REEP3: variants seen among roughly 807,000 people sequenced by gnomAD.
REEP3 encodes receptor expression-enhancing protein 3.
Under a neutral mutation model 41.3 loss-of-function variants are expected in REEP3, and 20 were observed. That is an observed-to-expected ratio of 0.48 (90% CI 0.34 to 0.70). The LOEUF is 0.70. Ranked by LOEUF, REEP3 falls within the 30% of genes least tolerant of loss-of-function variation. REEP3 has a pLI of 0.01. For synonymous variants in REEP3, 104 were observed against 101.8 expected (o/e 1.02, Z -0.13); for missense variants, 271 against 308.8 (o/e 0.88, Z 0.92).
At chr10:63,594,936 CTG>C (rs778306182) in intron 3 of REEP3, 82 bp downstream of exon 3, 41 of 880,674 alleles carry the variant, frequency 4.7e-5, no homozygotes, top group Non-Finnish European at 7.4e-5. Flanking sequence ...TTGCTATTAA[CTG>C]AGTGATTTTC....
intron 1 of REEP3, among the ~76,000 whole-genome samples, chr10:63,524,753 A>G (rs909354284): frequency 2.0e-5 from 3 of 152,152 alleles, no homozygotes; most frequent in Admixed American, 2.0e-4. Context: ...CCTGGATACC[A>G]CTGTTTACAG....
At chr10:63,620,133 A>G (rs1956342628) in intron 7 of REEP3, among the ~76,000 whole-genome samples, 1 of 151,732 alleles carries the variant, frequency 6.6e-6, no homozygotes, top group Non-Finnish European at 1.5e-5. Context: ...GGGTTTCACC[A>G]TGTTGCCCAG....
intron 2 of REEP3, among the ~76,000 whole-genome samples, chr10:63,568,872 A>G (rs1445643769): frequency 6.6e-6 from 1 of 151,880 alleles, no homozygotes; most frequent in Non-Finnish European, 1.5e-5. Flanking sequence ...TATGTTGTCC[A>G]GGTTGATCTT....
intron 1 of REEP3, among the ~76,000 whole-genome samples, chr10:63,559,321 A>G (rs1955720053): frequency 6.6e-6 from 1 of 152,170 alleles, no homozygotes; most frequent in South Asian, 2.1e-4. Context: ...GTTCTAATCC[A>G]TACCTTATTA....
At chr10:63,578,377 C>T (rs999760041) in intron 2 of REEP3, among the ~76,000 whole-genome samples, 17 of 152,202 alleles carry the variant, frequency 1.1e-4, no homozygotes, top group South Asian at 2.1e-4. Context: ...GGATTACAGG[C>T]GTGGGCCACA....
chr10:63,556,837 G>A (rs1488383003), intron 1 of REEP3, among the ~76,000 whole-genome samples: 2 of 149,800 alleles, frequency 1.3e-5, no homozygotes, highest in Non-Finnish European at 3.0e-5. Context: ...GGGTTTCACC[G>A]TTTTAGCCGG....
chr10:63,549,259 G>A (rs1955605852), intron 1 of REEP3, among the ~76,000 whole-genome samples: 1 of 152,196 alleles, frequency 6.6e-6, no homozygotes, highest in South Asian at 2.1e-4. Context: ...CAGAGGTGTG[G>A]AGTGGGGAGA....
chr10:63,536,196 C>G (rs886524451), intron 1 of REEP3, among the ~76,000 whole-genome samples: 1 of 152,190 alleles, frequency 6.6e-6, no homozygotes, highest in African/African-American at 2.4e-5. Flanking sequence ...AGCTATATGG[C>G]AGTTGAGCTC....
intron 2 of REEP3, among the ~76,000 whole-genome samples, chr10:63,570,553 G>T (rs901348959): frequency 6.6e-6 from 1 of 152,050 alleles, no homozygotes; most frequent in African/African-American, 2.4e-5. Flanking sequence ...CAGGTATTAA[G>T]CCTAGTACCC....
intron 1 of REEP3, among the ~76,000 whole-genome samples, chr10:63,549,579 T>G (rs1955609213): frequency 6.6e-6 from 1 of 152,206 alleles, no homozygotes; most frequent in Admixed American, 6.5e-5. Context: ...GAAAAGCTGC[T>G]GATCTAAGTA....
intron 7 of REEP3, among the ~76,000 whole-genome samples, chr10:63,620,077 C>T (rs894266578): frequency 1.3e-5 from 2 of 151,920 alleles, no homozygotes; most frequent in Non-Finnish European, 2.9e-5. Flanking sequence ...GAACTACAGG[C>T]ACATGCCACC....
intron 2 of REEP3, among the ~76,000 whole-genome samples, chr10:63,571,018 G>C (rs1282451805): frequency 1.3e-5 from 2 of 152,154 alleles, no homozygotes; most frequent in East Asian, 3.9e-4. Context: ...AGGAGGCTGA[G>C]GTGGGAGGAT....
chr10:63,609,579 G>A (rs1956260927), intron 5 of REEP3, among the ~76,000 whole-genome samples: 1 of 151,862 alleles, frequency 6.6e-6, no homozygotes, highest in South Asian at 2.1e-4. Context: ...TGGCCAACAT[G>A]GCGAAACCCC....
intron 2 of REEP3, among the ~76,000 whole-genome samples, chr10:63,577,265 A>C (rs551215900): frequency 6.6e-6 from 1 of 152,298 alleles, no homozygotes; most frequent in African/African-American, 2.4e-5. Context: ...GGAGATTTGC[A>C]AATCCAGAAA....
At chr10:63,525,921 T>G (rs942098099) in intron 1 of REEP3, among the ~76,000 whole-genome samples, 3 of 152,214 alleles carry the variant, frequency 2.0e-5, no homozygotes, top group Non-Finnish European at 1.5e-5. Context: ...CTCTGCCATT[T>G]ATGCGTCATA....
At chr10:63,620,305 T>C (rs1437115769) in intron 7 of REEP3, among the ~76,000 whole-genome samples, 1 of 152,230 alleles carries the variant, frequency 6.6e-6, no homozygotes, top group Non-Finnish European at 1.5e-5. Flanking sequence ...AATGGTAAAC[T>C]CTTAATCTTC....
chr10:63,617,852 T>C (rs1409014086), intron 6 of REEP3, among the ~76,000 whole-genome samples: 1 of 142,614 alleles, frequency 7.0e-6, no homozygotes, highest in Non-Finnish European at 1.5e-5. Flanking sequence ...AGAGATGGAG[T>C]CTTGCTCTGT....
At chr10:63,538,062 T>C (rs546849164) in intron 1 of REEP3, among the ~76,000 whole-genome samples, 1 of 151,662 alleles carries the variant, frequency 6.6e-6, no homozygotes, top group Admixed American at 6.6e-5. Flanking sequence ...CTAAAAAATG[T>C]GTAAATTAAT....
intron 2 of REEP3, among the ~76,000 whole-genome samples, chr10:63,577,714 C>T (rs939449095): frequency 6.6e-6 from 1 of 152,052 alleles, no homozygotes; most frequent in East Asian, 1.9e-4. Context: ...GATTGTTAGG[C>T]ATGAACCACT....
Sources: gnomAD v4.1 joint callset for allele counts (sites outside exome capture counted in the v4.1 genomes callset) on GRCh38, gnomAD v4.1.1 for gene constraint, MANE v1.5 for transcripts, NCBI Gene and HGNC (gene_info 2026-07-23, HGNC 2026-07-21) for gene names.